IMMP2L: variants seen among roughly 807,000 people sequenced by gnomAD.
The protein encoded by IMMP2L is mitochondrial inner membrane protease subunit 2.
A neutral mutation model predicts 19.3 loss-of-function variants in IMMP2L; 18 were observed. That is an observed-to-expected ratio of 0.93 (90% CI 0.64 to 1.38). The LOEUF (loss-of-function observed/expected upper bound fraction) is 1.38. Ranked by LOEUF, IMMP2L falls within the 40% of genes most tolerant of loss-of-function variation. The pLI is 0.00. For missense variants in IMMP2L, 233 were observed against 218.2 expected, an observed-to-expected ratio of 1.07 and a Z score of -0.43; for synonymous variants, 76 against 73.0, an observed-to-expected ratio of 1.04 and a Z score of -0.21.
intron 3 of IMMP2L, among the ~76,000 whole-genome samples, chr7:110,984,891 G>A (rs1478939533): frequency 6.6e-6 from 1 of 152,048 alleles, no homozygotes; most frequent in East Asian, 1.9e-4. Context: ...AATTAAGTTT[G>A]CTAATCAATG....
intron 5 of IMMP2L, among the ~76,000 whole-genome samples, chr7:110,720,575 A>G (rs569216897): frequency 4.7e-4 from 71 of 152,300 alleles, no homozygotes; most frequent in Non-Finnish European, 9.1e-4. Context: ...TCTCACGTAC[A>G]TACAATAAAA....
intron 3 of IMMP2L, among the ~76,000 whole-genome samples, chr7:111,007,342 C>G (rs1437687723): frequency 1.3e-5 from 2 of 152,080 alleles, no homozygotes; most frequent in Non-Finnish European, 2.9e-5. Flanking sequence ...GGACACAGAC[C>G]TAAACTATTC....
At chr7:110,921,150 A>G (rs1468485741) in intron 4 of IMMP2L, among the ~76,000 whole-genome samples, 1 of 152,210 alleles carries the variant, frequency 6.6e-6, no homozygotes, top group African/African-American at 2.4e-5. Flanking sequence ...GCTTTGTTCA[A>G]TGTTGTTTTA....
At chr7:111,183,006 A>G (rs1807878907) in intron 3 of IMMP2L, among the ~76,000 whole-genome samples, 1 of 152,038 alleles carries the variant, frequency 6.6e-6, no homozygotes, top group Admixed American at 6.6e-5. Context: ...TATATTCATG[A>G]TCATTTTTAA....
At chr7:111,112,109 G>A (rs214879) in intron 3 of IMMP2L, among the ~76,000 whole-genome samples, 13,213 of 151,120 alleles carry the variant, frequency 0.087, 1,290 homozygotes, top group African/African-American at 0.24. Flanking sequence ...CACCACACCC[G>A]GCTAATTTTT....
At chr7:111,266,270 C>A (rs774562988) in intron 3 of IMMP2L, among the ~76,000 whole-genome samples, 1 of 152,022 alleles carries the variant, frequency 6.6e-6, no homozygotes, top group African/African-American at 2.4e-5. Context: ...GAGCCAGGCA[C>A]GGTGGCTCAC....
Position 110,836,383 on chromosome 7 carries a change from T to C in IMMP2L, c.408+50210A>G, listed in dbSNP as rs368100220. 1.1e-4 allele frequency among the ~76,000 whole-genome samples: 17 copies of C among 152,158 alleles called. 1 individual carries two copies. The highest frequency in any genetic ancestry group is 2.9e-4 in the African/African-American group (12 of 41,442). ...TCCATGTGTTGAGGAAGATACCCAG[T>C]AGGAGGTAATTGAATGATAGAGGTA... On this transcript the variant is annotated intron_variant, in intron 5 of 5. Transcript: ENST00000405709.
chr7:110,999,980 T>C (rs1165761895), intron 3 of IMMP2L, among the ~76,000 whole-genome samples: 1 of 152,162 alleles, frequency 6.6e-6, no homozygotes, highest in African/African-American at 2.4e-5. Flanking sequence ...AGAGCTCTAC[T>C]CCCTTTTCTC....
At chr7:110,948,680 A>G (rs1817497995) in intron 4 of IMMP2L, among the ~76,000 whole-genome samples, 1 of 152,182 alleles carries the variant, frequency 6.6e-6, no homozygotes, top group Non-Finnish European at 1.5e-5. Context: ...TTGTAGTATA[A>G]TAGCTCTTCC....
At chr7:111,172,488 GT>G (rs1487352935) in intron 3 of IMMP2L, among the ~76,000 whole-genome samples, 1 of 151,430 alleles carries the variant, frequency 6.6e-6, no homozygotes, top group Non-Finnish European at 1.5e-5. Flanking sequence ...CCATTTCTTT[GT>G]GTTGAGAACA....
rs147144428 is a variant in IMMP2L, at chr7:110,947,717, T to C, written c.305+15783A>G. On this transcript the variant is annotated intron_variant, in intron 4 of 5. Coordinates refer to ENST00000405709, the MANE Select transcript of IMMP2L (RefSeq NM_032549.4). Reference sequence around the variant, plus strand: ...GATTAAATAGTCGTTTACTTTTTGATGTATGTAAAATTGAAATCTAGGCTT... The same window carrying C: ...GATTAAATAGTCGTTTACTTTTTGACGTATGTAAAATTGAAATCTAGGCTT... Among the ~76,000 whole-genome samples the C allele has an allele frequency of 4.0e-3, 614 of 152,294 alleles. 4 individuals are homozygous for C. The highest frequency in any genetic ancestry group is 0.014 in the African/African-American group (593 of 41,570).
At chr7:111,469,530 G>T (rs974699758) in intron 3 of IMMP2L, among the ~76,000 whole-genome samples, 7 of 152,022 alleles carry the variant, frequency 4.6e-5, no homozygotes, top group African/African-American at 1.7e-4. Flanking sequence ...GTGAATGGGA[G>T]TTCACTCATG....
intron 3 of IMMP2L, among the ~76,000 whole-genome samples, chr7:111,300,565 C>T (rs1033838643): frequency 2.0e-5 from 3 of 152,034 alleles, no homozygotes; most frequent in Non-Finnish European, 2.9e-5. Flanking sequence ...ACAATTCCAT[C>T]ACCACAAGGA....
At chr7:110,801,243 T>C (rs1801217643) in intron 5 of IMMP2L, among the ~76,000 whole-genome samples, 1 of 152,104 alleles carries the variant, frequency 6.6e-6, no homozygotes, top group African/African-American at 2.4e-5. Flanking sequence ...GTTATTTACT[T>C]AGCTGCTGTA....
chr7:111,461,531 G>A (rs1840137096), intron 3 of IMMP2L, among the ~76,000 whole-genome samples: 1 of 151,946 alleles, frequency 6.6e-6, no homozygotes, highest in Non-Finnish European at 1.5e-5. Context: ...TATAGCTTAA[G>A]GTTTATAGTG....
rs375214616 is a variant in IMMP2L, at chr7:110,892,581, A to G, written c.306-5886T>C. Among the ~76,000 whole-genome samples, 19 of 152,156 alleles carry G rather than the reference A, an allele frequency of 1.2e-4. 1 individual carries two copies. Among genetic ancestry groups the G allele is most frequent in the African/African-American group, 3.4e-4 (14 of 41,434 alleles). ...AGGGAAGTTTTCCTTTGACCACTAC[A>G]AATGCAGGTTCTGGAATCAGTGCAA... is the stretch of plus-strand genomic sequence containing the variant. On this transcript the variant is annotated intron_variant, in intron 4 of 5. Coordinates refer to ENST00000405709, the MANE Select transcript of IMMP2L (RefSeq NM_032549.4).
chr7:110,734,776 C>T (rs1796508196), intron 5 of IMMP2L, among the ~76,000 whole-genome samples: 1 of 152,108 alleles, frequency 6.6e-6, no homozygotes, highest in Admixed American at 6.5e-5. Context: ...AAGTTGCTGG[C>T]ACAAATAAGG....
At chr7:110,878,048 G>A (rs1006844621) in intron 5 of IMMP2L, among the ~76,000 whole-genome samples, 1 of 152,140 alleles carries the variant, frequency 6.6e-6, no homozygotes, top group Non-Finnish European at 1.5e-5. Context: ...GACCTGACAA[G>A]CTTTCTCAGC....
intron 3 of IMMP2L, among the ~76,000 whole-genome samples, chr7:111,060,664 T>C (rs1793936130): frequency 6.6e-6 from 1 of 152,220 alleles, no homozygotes; most frequent in African/African-American, 2.4e-5. Flanking sequence ...TCCATCTTAG[T>C]GTTTTTGCAA....
Sources: gnomAD v4.1 joint callset for allele counts (sites outside exome capture counted in the v4.1 genomes callset) on GRCh38, gnomAD v4.1.1 for gene constraint, MANE v1.5 for transcripts, NCBI Gene and HGNC (gene_info 2026-07-23, HGNC 2026-07-21) for gene names.